The following BCAR3 variants were observed in gnomAD, a reference collection of about 807,000 sequenced individuals.
BCAR3 encodes the protein BCAR3 adaptor protein, NSP family member.
BCAR3 carries 37 observed loss-of-function variants against 80.1 expected under a neutral mutation model. That is an observed-to-expected ratio of 0.46 (90% confidence interval 0.36 to 0.61). The LOEUF is 0.61. Ranked by LOEUF, BCAR3 falls within the 20% of genes least tolerant of loss-of-function variation. The probability of loss-of-function intolerance (pLI) is 0.00; values close to 1 mark genes in which losing one functional copy is unlikely to be tolerated. For synonymous variants in BCAR3, 389 were observed against 418.9 expected (o/e 0.93, Z 0.87); for missense variants, 978 against 1,068.2 (o/e 0.92, Z 1.18).
intron 2 of BCAR3, among the ~76,000 whole-genome samples, chr1:93,727,760 T>C (rs1650642587): frequency 6.6e-6 from 1 of 152,224 alleles, no homozygotes; most frequent in South Asian, 2.1e-4. Flanking sequence ...CTTTAATATG[T>C]TGGTGTATGC....
At chr1:93,591,098 A>G (rs1196534711) in intron 4 of BCAR3, among the ~76,000 whole-genome samples, 1 of 149,972 alleles carries the variant, frequency 6.7e-6, no homozygotes, top group African/African-American at 2.5e-5. Flanking sequence ...TCTACAATCA[A>G]TTTTAAACTT....
At chr1:93,789,877 C>T (rs988143186) in intron 2 of BCAR3, among the ~76,000 whole-genome samples, 8 of 152,308 alleles carry the variant, frequency 5.3e-5, no homozygotes, top group East Asian at 1.9e-4. Flanking sequence ...ATCCATTGCA[C>T]AGTCAGTCAT....
chr1:93,633,557 G>A (rs1230433011), intron 3 of BCAR3, among the ~76,000 whole-genome samples: 2 of 152,176 alleles, frequency 1.3e-5, no homozygotes, highest in Non-Finnish European at 2.9e-5. Flanking sequence ...TGGCCTCCCT[G>A]GTGTGGCCCA....
In BCAR3 at chr1:93,817,954, C is replaced by T. The variant is rs111779325; in HGVS notation, c.-63+27613G>A. On this transcript the variant is annotated intron_variant, in intron 2 of 13. Coordinates refer to the BCAR3 transcript ENST00000370244. Reference sequence around the variant, plus strand: ...GTCCCAAGGAAGCTTTGCTCCCCGCCGCCCCACACCACACGAAGCTTCCCA... The same window carrying T: ...GTCCCAAGGAAGCTTTGCTCCCCGCTGCCCCACACCACACGAAGCTTCCCA... Among the ~76,000 whole-genome samples the T allele has an allele frequency of 9.1e-4, 139 of 152,282 alleles. 3 individuals are homozygous for T. The highest frequency in any genetic ancestry group is 3.2e-3 in the African/African-American group (134 of 41,556).
At chr1:93,643,545 CAAAAAAAAAAAAAA>C (rs547667389) in intron 2 of BCAR3, among the ~76,000 whole-genome samples, 3,828 of 22,366 alleles carry the variant, frequency 0.17, 133 homozygotes, top group East Asian at 0.37. Flanking sequence ...GACTCTTTCT[CAAAAAAAAAAAAAA>C]AAAAAAAAAA....
intron 2 of BCAR3, among the ~76,000 whole-genome samples, chr1:93,726,973 C>A (rs1199322263): frequency 3.3e-5 from 5 of 152,124 alleles, no homozygotes; most frequent in African/African-American, 1.2e-4. Context: ...TGACTCCTTT[C>A]ATCTTTTCTC....
At chr1:93,619,894 C>T (rs1281662571) in intron 3 of BCAR3, among the ~76,000 whole-genome samples, 1 of 152,236 alleles carries the variant, frequency 6.6e-6, no homozygotes, top group Non-Finnish European at 1.5e-5. Flanking sequence ...CTGGTCTTCA[C>T]CACTAGCTAG....
intron 3 of BCAR3, among the ~76,000 whole-genome samples, chr1:93,686,872 T>C (rs1648989317): frequency 6.6e-6 from 1 of 152,210 alleles, no homozygotes; most frequent in African/African-American, 2.4e-5. Context: ...ATCCCTATTT[T>C]ACTGGTGAGA....
At chr1:93,711,388 T>C (rs570237487) in intron 2 of BCAR3, among the ~76,000 whole-genome samples, 2 of 152,294 alleles carry the variant, frequency 1.3e-5, no homozygotes, top group South Asian at 2.1e-4. Flanking sequence ...GAAAGGGCCA[T>C]GTGTCTGTCA....
intron 2 of BCAR3, among the ~76,000 whole-genome samples, chr1:93,666,847 C>A (rs990819586): frequency 1.3e-5 from 2 of 152,134 alleles, no homozygotes; most frequent in Non-Finnish European, 2.9e-5. Context: ...GGGATTCCAG[C>A]CAGACTCCAT....
At chr1:93,574,990 T>TCA (rs1673392383) in intron 8 of BCAR3, among the ~76,000 whole-genome samples, 1 of 151,684 alleles carries the variant, frequency 6.6e-6, no homozygotes, top group South Asian at 2.1e-4. Flanking sequence ...AGCATAGGAG[T>TCA]CATTTTATCT....
intron 2 of BCAR3, among the ~76,000 whole-genome samples, chr1:93,732,113 G>A (rs1650811081): frequency 6.6e-6 from 1 of 152,230 alleles, no homozygotes; most frequent in Non-Finnish European, 1.5e-5. Flanking sequence ...GGCATATTTA[G>A]GGAATAGAAA....
At chr1:93,615,916 A>AG (rs1675108847) in intron 3 of BCAR3, among the ~76,000 whole-genome samples, 1 of 152,164 alleles carries the variant, frequency 6.6e-6, no homozygotes, top group Non-Finnish European at 1.5e-5. Context: ...GAGAAAAGGG[A>AG]GGGGGGCAGT....
chr1:93,803,615 G>T (rs753510121), intron 2 of BCAR3, among the ~76,000 whole-genome samples: 5 of 152,200 alleles, frequency 3.3e-5, no homozygotes, highest in Non-Finnish European at 5.9e-5. Flanking sequence ...GAGTCCCAGA[G>T]AATGAGTCCT....
At chr1:93,733,665 TGA>T (rs1243505354) in intron 2 of BCAR3, among the ~76,000 whole-genome samples, 11 of 152,322 alleles carry the variant, frequency 7.2e-5, no homozygotes, top group South Asian at 6.2e-4. Context: ...GATGTGTGTG[TGA>T]GAGTGTGTGC....
At chr1:93,725,440 T>C (rs549819954) in intron 2 of BCAR3, among the ~76,000 whole-genome samples, 193 of 152,360 alleles carry the variant, frequency 1.3e-3, no homozygotes, top group Non-Finnish European at 1.9e-3. Context: ...GTTTCTTCTT[T>C]TGTGAAATGC....
intron 2 of BCAR3, among the ~76,000 whole-genome samples, chr1:93,669,603 A>G (rs1195811666): frequency 6.6e-6 from 1 of 152,220 alleles, no homozygotes; most frequent in Non-Finnish European, 1.5e-5. Flanking sequence ...AGCTGTTCCC[A>G]GGAATGTGTG....
chr1:93,753,312 A>G (rs908277412), intron 2 of BCAR3: 4 of 152,234 alleles, frequency 2.6e-5, no homozygotes, highest in African/African-American at 9.6e-5. Context: ...AAGAATAAAG[A>G]TGCAGCTACA....
intron 2 of BCAR3, among the ~76,000 whole-genome samples, chr1:93,807,473 TG>T (rs1253940499): frequency 6.6e-6 from 1 of 152,156 alleles, no homozygotes; most frequent in Non-Finnish European, 1.5e-5. Flanking sequence ...AACAATGGCC[TG>T]GGAAAAAGTT....
Sources: allele counts gnomAD v4.1 joint callset (sites outside exome capture counted in the v4.1 genomes callset), GRCh38; gene constraint gnomAD v4.1.1; transcripts MANE v1.5; gene names NCBI Gene and HGNC (gene_info 2026-07-23, HGNC 2026-07-21).